OTUD7A: variants seen among roughly 807,000 people sequenced by gnomAD.
The protein encoded by OTUD7A is OTU deubiquitinase 7A.
A neutral mutation model predicts 65.7 loss-of-function variants in OTUD7A; 12 were observed. The ratio of observed to expected loss-of-function variants is 0.18; its 90% CI spans 0.12 to 0.30. The LOEUF is 0.30. OTUD7A is among the 10% of genes least tolerant of loss of function. The pLI is 1.00. For missense variants in OTUD7A, 1,148 were observed against 1,304.8 expected (o/e 0.88, Z 1.85); for synonymous variants, 641 against 586.3 (o/e 1.09, Z -1.35).
intron 5 of OTUD7A, among the ~76,000 whole-genome samples, chr15:31,536,500 G>T (rs1887807775): frequency 6.6e-6 from 1 of 152,094 alleles, no homozygotes; most frequent in Non-Finnish European, 1.5e-5. Flanking sequence ...ATATTTCCAA[G>T]AAATTATAAA....
At chr15:31,782,560 C>A (rs901689580) in intron 1 of OTUD7A, among the ~76,000 whole-genome samples, 1 of 152,106 alleles carries the variant, frequency 6.6e-6, no homozygotes, top group African/African-American at 2.4e-5. Flanking sequence ...CACCCAGGGG[C>A]ACGGGAGATG....
At chr15:31,753,409 G>A (rs962387156) in intron 1 of OTUD7A, among the ~76,000 whole-genome samples, 1 of 151,746 alleles carries the variant, frequency 6.6e-6, no homozygotes, top group Non-Finnish European at 1.5e-5. Context: ...CACCCAGGCA[G>A]TATACACTGT....
chr15:31,769,860 T>A (rs2140912208), intron 1 of OTUD7A, among the ~76,000 whole-genome samples: 1 of 152,248 alleles, frequency 6.6e-6, no homozygotes, highest in South Asian at 2.1e-4. Flanking sequence ...TTTTGCCAGG[T>A]GATGAAATTG....
chr15:31,674,336 A>G (rs569289529), intron 1 of OTUD7A, among the ~76,000 whole-genome samples: 38 of 152,288 alleles, frequency 2.5e-4, no homozygotes, highest in Non-Finnish European at 4.3e-4. Flanking sequence ...TACCTATGTT[A>G]TGAGGCCAGT....
intron 1 of OTUD7A, among the ~76,000 whole-genome samples, chr15:31,827,686 G>C (rs899984323): frequency 1.3e-5 from 2 of 152,142 alleles, no homozygotes; most frequent in Non-Finnish European, 2.9e-5. Flanking sequence ...CAGCACTTTG[G>C]GAGGCTGAGA....
chr15:31,798,960 C>T (rs535770785), intron 1 of OTUD7A, among the ~76,000 whole-genome samples: 3 of 152,328 alleles, frequency 2.0e-5, no homozygotes, highest in South Asian at 4.1e-4. Flanking sequence ...CTCTGAGACA[C>T]AGCCTACTGG....
chr15:31,638,209 T>G (rs1422883984), intron 3 of OTUD7A, among the ~76,000 whole-genome samples: 1 of 152,070 alleles, frequency 6.6e-6, no homozygotes, highest in Admixed American at 6.6e-5. Flanking sequence ...TTAGCAGCCA[T>G]AAACATTGAG....
intron 1 of OTUD7A, among the ~76,000 whole-genome samples, chr15:31,691,026 A>G (rs1271696902): frequency 6.6e-6 from 1 of 152,216 alleles, no homozygotes; most frequent in South Asian, 2.1e-4. Flanking sequence ...AATATTTGCA[A>G]ATCATATATC....
intron 1 of OTUD7A, among the ~76,000 whole-genome samples, chr15:31,731,628 A>C (rs570464429): frequency 6.6e-6 from 1 of 152,326 alleles, no homozygotes; most frequent in South Asian, 2.1e-4. Flanking sequence ...TGGTAGATGC[A>C]TGTCATTATA....
chr15:31,641,320 C>T (rs959433552), intron 3 of OTUD7A, among the ~76,000 whole-genome samples: 24 of 152,292 alleles, frequency 1.6e-4, no homozygotes, highest in Non-Finnish European at 3.2e-4. Flanking sequence ...AAGCCTCTTT[C>T]CTTTATAAAT....
At chr15:31,837,895 T>G (rs1318253662) in intron 1 of OTUD7A, among the ~76,000 whole-genome samples, 2 of 152,242 alleles carry the variant, frequency 1.3e-5, no homozygotes, top group Non-Finnish European at 2.9e-5. Flanking sequence ...GTAACTATAG[T>G]AATCAAGACA....
At chr15:31,662,823 T>A (rs1892202516) in intron 1 of OTUD7A, among the ~76,000 whole-genome samples, 1 of 152,234 alleles carries the variant, frequency 6.6e-6, no homozygotes, top group African/African-American at 2.4e-5. Context: ...TAATCTCTTT[T>A]ACAGATGAAC....
At chr15:31,637,474 C>T (rs1271276885) in intron 3 of OTUD7A, among the ~76,000 whole-genome samples, 1 of 152,204 alleles carries the variant, frequency 6.6e-6, no homozygotes, top group Non-Finnish European at 1.5e-5. Context: ...TGTACAAGAT[C>T]AATGTTTTCA....
chr15:31,733,049 C>T (rs1894089960), intron 1 of OTUD7A, among the ~76,000 whole-genome samples: 1 of 152,212 alleles, frequency 6.6e-6, no homozygotes, highest in Non-Finnish European at 1.5e-5. Flanking sequence ...AGCTCTTTAA[C>T]AGCATCTTAG....
chr15:31,712,648 T>G, intron 1 of OTUD7A, among the ~76,000 whole-genome samples: 1 of 95,958 alleles, frequency 1.0e-5, no homozygotes, highest in Non-Finnish European at 2.1e-5. Context: ...TCACGCACTC[T>G]GACAACCGTA....
chr15:31,777,251 G>A (rs375472395), intron 1 of OTUD7A, among the ~76,000 whole-genome samples: 4 of 152,194 alleles, frequency 2.6e-5, no homozygotes, highest in East Asian at 3.9e-4. Context: ...TTACAAGGGC[G>A]CTAATCTCAT....
chr15:31,604,967 C>T (rs1032895452), intron 3 of OTUD7A, among the ~76,000 whole-genome samples: 2 of 152,188 alleles, frequency 1.3e-5, no homozygotes, highest in African/African-American at 2.4e-5. Context: ...AGAGGCACGA[C>T]GAGCAGAGCA....
At chr15:31,827,311 A>G (rs1225858870) in intron 1 of OTUD7A, among the ~76,000 whole-genome samples, 1 of 152,188 alleles carries the variant, frequency 6.6e-6, no homozygotes, top group Non-Finnish European at 1.5e-5. Flanking sequence ...GCAGGAGGCA[A>G]AGAGAGAATG....
chr15:31,785,539 A>G (rs1895650017), intron 1 of OTUD7A, among the ~76,000 whole-genome samples: 1 of 152,170 alleles, frequency 6.6e-6, no homozygotes, highest in African/African-American at 2.4e-5. Flanking sequence ...ACTGTAGTAC[A>G]AGGGCAACAC....
Sources: allele counts gnomAD v4.1 joint callset (sites outside exome capture counted in the v4.1 genomes callset), GRCh38; gene constraint gnomAD v4.1.1; transcripts MANE v1.5; gene names NCBI Gene and HGNC (gene_info 2026-07-23, HGNC 2026-07-21).